The following BIRC6 variants were observed in gnomAD, a reference collection of about 807,000 sequenced individuals.
The protein encoded by BIRC6 is dual E2 ubiquitin-conjugating enzyme/E3 ubiquitin-protein ligase BIRC6.
A neutral mutation model predicts 503.3 loss-of-function variants in BIRC6; 98 were observed. The observed-to-expected ratio is 0.19, with a 90% CI of 0.17 to 0.23. BIRC6 has a LOEUF of 0.23. BIRC6 is among the 10% of genes least tolerant of loss of function. The pLI is 1.00. For synonymous variants in BIRC6, 2,240 were observed against 2,078.7 expected (o/e 1.08, Z -2.11); for missense variants, 5,360 against 5,806.0 (o/e 0.92, Z 2.50).
At chr2:32,460,394 A>C (rs542018574) in intron 23 of BIRC6, among the ~76,000 whole-genome samples, 44 of 146,278 alleles carry the variant, frequency 3.0e-4, no homozygotes, top group African/African-American at 9.9e-4. Context: ...CTTCTGCCTC[A>C]GCCTCCCCAG....
At chr2:32,581,485 C>CT (rs1244780274) in intron 66 of BIRC6, among the ~76,000 whole-genome samples, 1 of 151,792 alleles carries the variant, frequency 6.6e-6, no homozygotes, top group Middle Eastern at 3.2e-3. Flanking sequence ...TTTTCTTTGC[C>CT]TTTTTTTTCT....
intron 1 of BIRC6, among the ~76,000 whole-genome samples, chr2:32,366,252 C>T (rs2034915193): frequency 6.6e-6 from 1 of 152,226 alleles, no homozygotes; most frequent in African/African-American, 2.4e-5. Flanking sequence ...TCTTTCCCTG[C>T]TGGCTTAGCT....
intron 17 of BIRC6, 49 bp from the exon 18 acceptor site, chr2:32,442,016 A>G: frequency 1.5e-6 from 2 of 1,347,028 alleles, no homozygotes; most frequent in Non-Finnish European, 2.0e-6. Flanking sequence ...TGATAGCTTT[A>G]GTTGTTCTGT....
intron 45 of BIRC6, among the ~76,000 whole-genome samples, chr2:32,498,595 G>A (rs528608701): frequency 6.6e-6 from 1 of 151,754 alleles, no homozygotes; most frequent in African/African-American, 2.4e-5. Context: ...GACAGTCTTT[G>A]TTTGTTTTTT....
chr2:32,443,654 G>T (rs1281418670), intron 20 of BIRC6, 66 bp downstream of exon 20: 2 of 1,205,250 alleles, frequency 1.7e-6, no homozygotes, highest in East Asian at 2.6e-5. Flanking sequence ...GTATACTTAG[G>T]ATTATTTCAT....
intron 6 of BIRC6, among the ~76,000 whole-genome samples, chr2:32,399,980 C>CT (rs1480202345): frequency 1.3e-5 from 2 of 151,384 alleles, no homozygotes; most frequent in Non-Finnish European, 3.0e-5. Context: ...TTTTTTGTAG[C>CT]AATGAGGTCT....
chr2:32,578,893 C>A (rs952083225), intron 66 of BIRC6, among the ~76,000 whole-genome samples: 1 of 148,208 alleles, frequency 6.7e-6, no homozygotes, highest in Non-Finnish European at 1.5e-5. Context: ...ACTGTGAAAT[C>A]CAAGGGTGAA....
chr2:32,614,416 T>A (rs188422358), intron 73 of BIRC6, among the ~76,000 whole-genome samples: 1 of 152,380 alleles, frequency 6.6e-6, no homozygotes, highest in African/African-American at 2.4e-5. Flanking sequence ...AGTGTCTTGC[T>A]TATATCCGCA....
intron 1 of BIRC6, among the ~76,000 whole-genome samples, chr2:32,375,524 T>G (rs1016326405): frequency 6.6e-6 from 1 of 152,002 alleles, no homozygotes; most frequent in Non-Finnish European, 1.5e-5. Context: ...CCAGACCTTG[T>G]GATCCGCCCA....
At chr2:32,459,650 G>T (rs1262784228) in intron 23 of BIRC6, among the ~76,000 whole-genome samples, 15 of 152,072 alleles carry the variant, frequency 9.9e-5, no homozygotes, top group Non-Finnish European at 2.9e-5. Flanking sequence ...CTTTTTAAAT[G>T]CATTAACACT....
In BIRC6 at chr2:32,431,106, A is replaced by C. The variant is rs1020099839; in HGVS notation, c.3248+16A>C. 2.6e-6 allele frequency: 4 copies of C among 1,560,216 alleles called. No homozygotes were observed. The highest frequency in any genetic ancestry group is 3.5e-6 in the Non-Finnish European group (4 of 1,138,204). ...AGACCGACAGGTAAAAGATATTCCCAAGATAATTAATTTTAAGTCCATCTT... is the reference window on the plus strand; with the variant it reads ...AGACCGACAGGTAAAAGATATTCCCCAGATAATTAATTTTAAGTCCATCTT... On this transcript the variant is annotated intron_variant, in intron 12 of 73. Transcript: ENST00000421745.
rs2061777870 is a variant in BIRC6 at position 32,597,923 on chromosome 2, T to C, written c.13785T>C (p.Ser4595=). Residue 4595 remains serine (S), a synonymous_variant, in exon 69 of 74, where the codon TCT becomes TCC. Transcript: ENST00000421745. ...CCTCACTGCCTCTGTCTTCATCCTC[T>C]AGTGTGTTTGTACGCTGTGATGAGG... ...LSTSLPLSSS[S]SVFVRCDEER... The C allele has an allele frequency of 1.7e-5, 27 of 1,613,706 alleles. No homozygotes were observed. The highest frequency in any genetic ancestry group is 2.2e-5 in the Non-Finnish European group (26 of 1,179,884).
chr2:32,460,970 T>C (rs999741277), intron 23 of BIRC6, among the ~76,000 whole-genome samples: 1 of 151,002 alleles, frequency 6.6e-6, no homozygotes, highest in Non-Finnish European at 1.5e-5. Flanking sequence ...GCATGTTTTA[T>C]GAGATGCAAT....
Position 32,357,294 on chromosome 2 carries a change from G to A in BIRC6, c.133G>A (p.Ala45Thr). ...CTCGGGCCCCGGCTGCTCCTCGGCG[G>A]CGGGGGCGGGGGCGGCCGGGGTCTC... Reference protein sequence around the residue: ...AASGPGCSSAAGAGAAGVSEW... With the variant: ...AASGPGCSSATGAGAAGVSEW... Residue 45 changes from alanine to threonine, a missense_variant, in exon 1 of 74, where the codon GCG becomes ACG. Ala to Thr is a moderately conservative substitution (Grantham distance 58). Coordinates refer to ENST00000421745, the MANE Select transcript of BIRC6 (RefSeq NM_016252.4). The surrounding 1 kb of genome is among the most constrained non-coding windows in gnomAD (Gnocchi z 4.9). The A allele has an allele frequency of 1.3e-6, 2 of 1,524,140 alleles. No individual in the cohort carries two copies. Among genetic ancestry groups the A allele is most frequent in the Non-Finnish European group, 1.8e-6 (2 of 1,139,354 alleles). 94.4% of individuals were successfully genotyped at this position (1,524,140 alleles called of 1,614,324 possible).
intron 10 of BIRC6, among the ~76,000 whole-genome samples, chr2:32,425,619 CTA>C (rs943223065): frequency 6.6e-6 from 1 of 152,106 alleles, no homozygotes; most frequent in African/African-American, 2.4e-5. Flanking sequence ...CATTTTCAAA[CTA>C]TTTGTACAAA....
At chr2:32,595,290 C>G (rs151315743) in intron 68 of BIRC6, 146 bp downstream of exon 68, 1 of 551,618 alleles carries the variant, frequency 1.8e-6, no homozygotes, top group African/African-American at 2.0e-5. Flanking sequence ...TTTTTATCAT[C>G]TTTGCCTCTT....
chr2:32,357,278 C>G lies in BIRC6; in HGVS notation c.117C>G (p.Pro39=), dbSNP rs774596414. The G allele has an allele frequency of 4.2e-4, 645 of 1,524,516 alleles. No homozygotes were observed. Among genetic ancestry groups the G allele is most frequent in the Non-Finnish European group, 5.1e-4 (586 of 1,139,264 alleles). The allele number at this position is 1,524,516 out of a possible 1,614,324, so 94.4% of individuals were successfully genotyped here. ...MAAAAAAASG[P]GCSSAAGAGA... is the part of the protein sequence containing the mutation. Reference sequence around the variant, plus strand: ...CTGCGGCTGCGGCGGCCTCGGGCCCCGGCTGCTCCTCGGCGGCGGGGGCGG... The same window carrying G: ...CTGCGGCTGCGGCGGCCTCGGGCCCGGGCTGCTCCTCGGCGGCGGGGGCGG... Residue 39 remains proline, a synonymous_variant, in exon 1 of 74, where the codon CCC becomes CCG. Transcript: ENST00000421745. This position sits in a 1 kb window ranked among gnomAD's most constrained non-coding sequence, Gnocchi z 4.9.
chr2:32,523,684 T>A (rs1453200910), intron 57 of BIRC6: 2 of 152,220 alleles, frequency 1.3e-5, no homozygotes, highest in Non-Finnish European at 2.9e-5. Flanking sequence ...TTACAAAAGA[T>A]GTTGTTTATT....
intron 15 of BIRC6, among the ~76,000 whole-genome samples, chr2:32,438,178 T>C (rs1222005676): frequency 6.6e-6 from 1 of 152,174 alleles, no homozygotes; most frequent in Admixed American, 6.5e-5. Flanking sequence ...TACTAAGATA[T>C]TTTTTTCCAT....
Sources: allele counts gnomAD v4.1 joint callset (sites outside exome capture counted in the v4.1 genomes callset), GRCh38; gene constraint gnomAD v4.1.1; non-coding constraint Gnocchi (gnomAD v3.1); transcripts MANE v1.5; gene names NCBI Gene and HGNC (gene_info 2026-07-23, HGNC 2026-07-21).